The following IKZF2 variants were observed in gnomAD, a reference collection of about 807,000 sequenced individuals.
IKZF2 encodes zinc finger protein Helios.
In IKZF2, 15 loss-of-function variants were observed where a neutral mutation model predicts 49.2. The ratio of observed to expected loss-of-function variants is 0.30; its 90% CI spans 0.20 to 0.47. IKZF2 has a LOEUF of 0.47. Ranked by LOEUF, IKZF2 falls within the 20% of genes least tolerant of loss-of-function variation. The pLI is 1.00. For missense variants in IKZF2, 567 were observed against 664.6 expected, an observed-to-expected ratio of 0.85 and a Z score of 1.61; for synonymous variants, 227 against 221.4, an observed-to-expected ratio of 1.03 and a Z score of -0.23.
chr2:213,035,288 C>T (rs1698903317), intron 6 of IKZF2, among the ~76,000 whole-genome samples: 1 of 151,584 alleles, frequency 6.6e-6, no homozygotes, highest in Non-Finnish European at 1.5e-5. Flanking sequence ...CATCTTCTAA[C>T]ATATTATATG....
Position 213,057,058 on chromosome 2 carries a change from CA to C in IKZF2, c.180del (p.Cys60TrpfsTer6). ...VKLEMQSDEECDRKPLSREDE... is the reference protein window; with the variant it reads ...VKLEMQSDEEXDRKPLSREDE... ...TCTTCACGGCTCAGGGGTTTCCTGT[CA>C]CACTCTTCATCACTCTGCATTTCTA... On this transcript the variant is annotated frameshift_variant, in exon 5 of 9. Transcript: ENST00000434687. LOFTEE classifies it high-confidence loss of function. 1 of 1,613,818 alleles carries C rather than the reference CA, an allele frequency of 6.2e-7. No homozygotes were observed. Among genetic ancestry groups the C allele is most frequent in the Non-Finnish European group, 8.5e-7 (1 of 1,179,862 alleles).
intron 4 of IKZF2, among the ~76,000 whole-genome samples, chr2:213,137,973 G>A (rs1276153234): frequency 6.6e-6 from 1 of 152,070 alleles, no homozygotes; most frequent in East Asian, 1.9e-4. Flanking sequence ...CAGCTTCAAT[G>A]ATAATGAGAG....
intron 4 of IKZF2, among the ~76,000 whole-genome samples, chr2:213,112,889 A>C (rs919658511): frequency 2.0e-5 from 3 of 152,246 alleles, no homozygotes; most frequent in African/African-American, 7.2e-5. Context: ...GGTTTTATTG[A>C]GATTAAATGA....
intron 4 of IKZF2, among the ~76,000 whole-genome samples, chr2:213,128,807 T>TTC (rs2060363172): frequency 6.9e-6 from 1 of 145,258 alleles, no homozygotes; most frequent in Admixed American, 6.9e-5. Context: ...TTTTTTTCTT[T>TTC]TTTTTTTTTT....
chr2:213,125,415 TA>T (rs1403855020), intron 4 of IKZF2, among the ~76,000 whole-genome samples: 1 of 152,154 alleles, frequency 6.6e-6, no homozygotes, highest in Non-Finnish European at 1.5e-5. Flanking sequence ...AAATTATGTT[TA>T]AAAAACCGTA....
At position 213,119,837 on chromosome 2, in the gene IKZF2, G is replaced by C. The variant is rs16849764; in HGVS notation, c.139+27871C>G. Among the ~76,000 whole-genome samples the C allele has an allele frequency of 3.4e-4, 51 of 152,214 alleles. No individual in the cohort carries two copies. The East Asian group carries it at 8.9e-3, about 26-fold the overall frequency. On this transcript the variant is annotated intron_variant, in intron 4 of 8. Coordinates refer to ENST00000434687, the MANE Select transcript of IKZF2 (RefSeq NM_001387220.1). The stretch of plus-strand genomic sequence containing the variant: ...ATTGGCCTTTACTAGCAATCTTGAA[G>C]GAGAAGAAAAATAATTAGTTAGTAG...
chr2:213,008,401 T>A (rs1351598838), intron 8 of IKZF2, among the ~76,000 whole-genome samples: 1 of 151,946 alleles, frequency 6.6e-6, no homozygotes, highest in Non-Finnish European at 1.5e-5. Context: ...CTGGCTAATT[T>A]TTGTATTTTT....
intron 4 of IKZF2, among the ~76,000 whole-genome samples, chr2:213,123,552 G>C (rs2060125116): frequency 6.6e-6 from 1 of 152,124 alleles, no homozygotes; most frequent in African/African-American, 2.4e-5. Context: ...GTAAACATAT[G>C]TAACAAACCT....
intron 4 of IKZF2, among the ~76,000 whole-genome samples, chr2:213,123,685 T>G (rs1430650352): frequency 6.6e-6 from 1 of 152,166 alleles, no homozygotes; most frequent in Non-Finnish European, 1.5e-5. Flanking sequence ...ATTCAGGGTT[T>G]GGTTTGGTTT....
chr2:213,147,630 C>A, intron 4 of IKZF2, 78 bp downstream of exon 4: 1 of 1,018,812 alleles, frequency 9.8e-7, no homozygotes, highest in Non-Finnish European at 1.6e-6. Context: ...GTGAGAGGAC[C>A]CCACAGACCT....
Position 213,008,026 on chromosome 2 carries a change from A to G in IKZF2, c.915T>C (p.Tyr305=), listed in dbSNP as rs765455453. Residue 305 remains tyrosine (Y), a synonymous_variant, in exon 9 of 9, where the codon TAT becomes TAC. Transcript: ENST00000434687. ...PDIHFDMNLT[Y]EKEAELMQSH... The stretch of plus-strand genomic sequence containing the variant: ...ACTGCATCAGCTCAGCCTCCTTCTC[A>G]TATGTTAAGTTCATATCAAAGTGAA... 6 of 1,613,058 alleles carry G rather than the reference A, an allele frequency of 3.7e-6. No homozygotes were observed. The East Asian group carries it at 1.3e-4, about 36-fold the overall frequency.
intron 4 of IKZF2, among the ~76,000 whole-genome samples, chr2:213,101,715 T>A (rs1292759452): frequency 2.0e-5 from 3 of 152,074 alleles, no homozygotes; most frequent in Non-Finnish European, 4.4e-5. Context: ...ACCTTAAGAG[T>A]ATTTTTAATC....
intron 2 of IKZF2, among the ~76,000 whole-genome samples, chr2:213,149,583 T>A (rs2061202260): frequency 6.6e-6 from 1 of 152,150 alleles, no homozygotes; most frequent in Non-Finnish European, 1.5e-5. Context: ...TTTTTGCCTT[T>A]AGTTTCAAAA....
rs143815855 is a variant in IKZF2 at position 213,009,161 on chromosome 2, G to T, written c.857-1077C>A. ...TTGCTAGCTTCCCATACTTTTTCTT[G>T]ATTGAAGCATGTTTGCAGTTTTTCC... On this transcript the variant is annotated intron_variant, in intron 8 of 8. Transcript: ENST00000434687. Among the ~76,000 whole-genome samples the T allele has an allele frequency of 5.2e-3, 788 of 152,124 alleles. 2 individuals carry two copies. The highest frequency in any genetic ancestry group is 8.2e-3 in the Non-Finnish European group (554 of 67,964).
intron 4 of IKZF2, among the ~76,000 whole-genome samples, chr2:213,106,352 A>G (rs1319492702): frequency 6.6e-6 from 1 of 152,118 alleles, no homozygotes; most frequent in African/African-American, 2.4e-5. Flanking sequence ...ACGAAAAAAA[A>G]AAATGGCTAG....
intron 4 of IKZF2, among the ~76,000 whole-genome samples, chr2:213,065,166 G>A (rs1295089452): frequency 6.6e-6 from 1 of 151,868 alleles, no homozygotes; most frequent in Non-Finnish European, 1.5e-5. Context: ...TATTTTCTGG[G>A]ATACTTCCCC....
intron 7 of IKZF2, among the ~76,000 whole-genome samples, chr2:213,015,919 T>G (rs762495466): frequency 6.6e-6 from 1 of 152,056 alleles, no homozygotes; most frequent in Non-Finnish European, 1.5e-5. Context: ...CACCCTGAAT[T>G]TTCATATTTG....
Position 213,052,774 on chromosome 2 carries a change from A to G in IKZF2, c.407-2894T>C, listed in dbSNP as rs1700794364. Among the ~76,000 whole-genome samples the G allele has an allele frequency of 2.0e-5, 3 of 152,248 alleles. No individual in the cohort carries two copies. The South Asian group carries it at 6.2e-4, about 32-fold the overall frequency. On this transcript the variant is annotated intron_variant, in intron 5 of 8. Transcript: ENST00000434687. ...AAAGTGAATTGACTCAATTTTTGAT[A>G]AAGTTATTTCTATAAAACATTAGCA...
Position 213,150,265 on chromosome 2 carries a change from G to C in IKZF2, c.-119-18C>G, listed in dbSNP as rs577722397. The C allele has an allele frequency of 3.0e-6, 3 of 1,013,946 alleles. No homozygotes were observed. Among genetic ancestry groups the C allele is most frequent in the Non-Finnish European group, 4.1e-6 (3 of 727,010 alleles). 62.8% of individuals were successfully genotyped at this position (1,013,946 alleles called of 1,614,324 possible). A position where few individuals can be genotyped will look rare whatever the true frequency, so the allele number is the denominator to read the frequency against. On this transcript the variant is annotated intron_variant, in intron 1 of 8. Coordinates refer to ENST00000434687, the MANE Select transcript of IKZF2 (RefSeq NM_001387220.1). Reference sequence around the variant, plus strand: ...ATGTCGGGCTGAAGATAAACGGAGGGAGAAAGAAAGAAGTTTTTTGTGTTT... The same window carrying C: ...ATGTCGGGCTGAAGATAAACGGAGGCAGAAAGAAAGAAGTTTTTTGTGTTT...
Sources: gnomAD v4.1 joint callset for allele counts (sites outside exome capture counted in the v4.1 genomes callset) on GRCh38, gnomAD v4.1.1 for gene constraint, MANE v1.5 for transcripts, NCBI Gene and HGNC (gene_info 2026-07-23, HGNC 2026-07-21) for gene names.